Variants in KCNQ3 observed in about 807,000 individuals in gnomAD.
KCNQ3 encodes potassium voltage-gated channel subfamily Q member 3.
In KCNQ3, 30 loss-of-function variants were observed where a neutral mutation model predicts 92.5. The ratio of observed to expected loss-of-function variants is 0.32; its 90% CI spans 0.24 to 0.44. The LOEUF is 0.44. Ranked by LOEUF, KCNQ3 falls within the 20% of genes least tolerant of loss-of-function variation. KCNQ3 has a pLI of 1.00. For missense variants in KCNQ3, 913 were observed against 1,140.3 expected (o/e 0.80, Z 2.87); for synonymous variants, 450 against 468.8 (o/e 0.96, Z 0.52).
chr8:132,183,736 T>G (rs1300905018), intron 3 of KCNQ3, among the ~76,000 whole-genome samples: 1 of 152,258 alleles, frequency 6.6e-6, no homozygotes, highest in Non-Finnish European at 1.5e-5. Context: ...CAGAATCCAC[T>G]GTTTCCTGCA....
At position 132,163,452 on chromosome 8, in the gene KCNQ3, A is replaced by C. The variant is rs376689995; in HGVS notation, c.1262+16T>G. On this transcript the variant is annotated intron_variant, in intron 9 of 14. Transcript: ENST00000388996. ...CACAGAGATGTGAAGAAGGGAATTC[A>C]TAATCAGAAACTTACCTGGATGCTG... 1.1e-5 allele frequency: 18 copies of C among 1,607,756 alleles called. No homozygotes were observed. The highest frequency in any genetic ancestry group is 1.7e-5 in the Admixed American group (1 of 59,998).
At chr8:132,354,356 A>G (rs1034081294) in intron 1 of KCNQ3, among the ~76,000 whole-genome samples, 1 of 152,214 alleles carries the variant, frequency 6.6e-6, no homozygotes, top group Non-Finnish European at 1.5e-5. Flanking sequence ...ACAACGGCCA[A>G]CGATATCAGA....
chr8:132,182,880 T>TCGCG (rs777069422), intron 3 of KCNQ3, among the ~76,000 whole-genome samples: 8 of 129,902 alleles, frequency 6.2e-5, no homozygotes, highest in African/African-American at 1.8e-4. Flanking sequence ...TCCTCCAATA[T>TCGCG]CGCACACACA....
At chr8:132,135,478 C>T (rs77874469) in intron 12 of KCNQ3, among the ~76,000 whole-genome samples, 2,945 of 152,146 alleles carry the variant, frequency 0.019, 114 homozygotes, top group African/African-American at 0.067. Context: ...CCTCCACTGA[C>T]GGCACTTTCT....
chr8:132,183,424 T>A (rs77494385), intron 3 of KCNQ3, among the ~76,000 whole-genome samples: 4,660 of 152,214 alleles, frequency 0.031, 268 homozygotes, highest in African/African-American at 0.11. Context: ...TGCTGGGGAC[T>A]GGAGCATCAG....
At position 132,134,479 on chromosome 8, in the gene KCNQ3, A is replaced by C. The variant is rs137874340; in HGVS notation, c.1701-91T>G. 636 of 867,666 alleles carry C rather than the reference A, an allele frequency of 7.3e-4. 3 individuals carry two copies. The African/African-American group carries it at 9.8e-3, about 13-fold the overall frequency. 53.7% of individuals were successfully genotyped at this position (867,666 alleles called of 1,614,324 possible). A position where few individuals can be genotyped will look rare whatever the true frequency, so the allele number is the denominator to read the frequency against. ...ATTCTATTCTCTCTAGAATGAGATA[A>C]GGGTTTGGAATATATAAGAGGAGAG... On this transcript the variant is annotated intron_variant, in intron 12 of 14. Transcript: ENST00000388996.
At chr8:132,255,856 A>G (rs1471828808) in intron 1 of KCNQ3, among the ~76,000 whole-genome samples, 1 of 152,212 alleles carries the variant, frequency 6.6e-6, no homozygotes, top group Non-Finnish European at 1.5e-5. Context: ...AATTACATAA[A>G]CAACGAACCC....
chr8:132,355,214 A>C (rs555886022), intron 1 of KCNQ3, among the ~76,000 whole-genome samples: 10 of 152,094 alleles, frequency 6.6e-5, no homozygotes, highest in Non-Finnish European at 1.2e-4. Context: ...TGCATAAATT[A>C]CTGGTATAAA....
intron 1 of KCNQ3, among the ~76,000 whole-genome samples, chr8:132,262,456 C>G (rs1242077443): frequency 6.6e-6 from 1 of 152,010 alleles, no homozygotes; most frequent in Non-Finnish European, 1.5e-5. Context: ...TATTTTAATG[C>G]AATAACATCT....
intron 1 of KCNQ3, among the ~76,000 whole-genome samples, chr8:132,451,915 A>G (rs1360460106): frequency 2.6e-5 from 4 of 152,170 alleles, no homozygotes; most frequent in Non-Finnish European, 5.9e-5. Context: ...GGGACAGGTC[A>G]AGAGAAAAAT....
At chr8:132,187,507 C>T (rs184526819) in intron 1 of KCNQ3, among the ~76,000 whole-genome samples, 2 of 152,296 alleles carry the variant, frequency 1.3e-5, no homozygotes, top group Non-Finnish European at 2.9e-5. Context: ...TGCCCAGGAA[C>T]CTAAACAAGA....
At chr8:132,386,897 C>T (rs1819904975) in intron 1 of KCNQ3, among the ~76,000 whole-genome samples, 1 of 152,056 alleles carries the variant, frequency 6.6e-6, no homozygotes, top group African/African-American at 2.4e-5. Flanking sequence ...ATGTTGAAAA[C>T]TAACAACAAT....
chr8:132,263,954 G>C lies in KCNQ3; in HGVS notation c.387-77773C>G, dbSNP rs1443370175. Among the ~76,000 whole-genome samples the C allele has an allele frequency of 3.3e-5, 5 of 152,252 alleles. No homozygotes were observed. In the South Asian group the frequency reaches 1.0e-3, roughly 32 times the overall value. On this transcript the variant is annotated intron_variant, in intron 1 of 14. Coordinates refer to ENST00000388996, the MANE Select transcript of KCNQ3 (RefSeq NM_004519.4). The stretch of plus-strand genomic sequence containing the variant: ...CTTTACTCCACCCAGTTCTCCTTAT[G>C]TAACCTGAGAGCTTACTAGGTGTTA...
chr8:132,426,091 C>A (rs941773177), intron 1 of KCNQ3, among the ~76,000 whole-genome samples: 3 of 152,228 alleles, frequency 2.0e-5, no homozygotes, highest in East Asian at 1.9e-4. Context: ...GCCTGCATGG[C>A]GGGTGGGAAA....
At chr8:132,139,824 G>C (rs1168652678) in intron 11 of KCNQ3, among the ~76,000 whole-genome samples, 3 of 152,124 alleles carry the variant, frequency 2.0e-5, no homozygotes, top group Non-Finnish European at 4.4e-5. Flanking sequence ...AATACTGTCA[G>C]GAGGGCTGTG....
intron 1 of KCNQ3, among the ~76,000 whole-genome samples, chr8:132,366,658 A>C (rs1303205409): frequency 1.3e-5 from 2 of 152,202 alleles, no homozygotes; most frequent in African/African-American, 4.8e-5. Context: ...AATTTAACTA[A>C]GAAAATCTTC....
chr8:132,167,928 C>T (rs1385636775), intron 8 of KCNQ3, among the ~76,000 whole-genome samples: 5 of 152,146 alleles, frequency 3.3e-5, no homozygotes, highest in African/African-American at 7.2e-5. Flanking sequence ...AGTCATCTGC[C>T]CATTCTAAGA....
At chr8:132,297,575 A>C (rs1228998109) in intron 1 of KCNQ3, among the ~76,000 whole-genome samples, 1 of 152,224 alleles carries the variant, frequency 6.6e-6, no homozygotes, top group Non-Finnish European at 1.5e-5. Flanking sequence ...CCTATGTCAT[A>C]AATGTACTCT....
At chr8:132,429,642 C>T (rs1266697138) in intron 1 of KCNQ3, among the ~76,000 whole-genome samples, 1 of 152,084 alleles carries the variant, frequency 6.6e-6, no homozygotes, top group Non-Finnish European at 1.5e-5. Flanking sequence ...GGGTGGATCA[C>T]CTGAGGTCAG....
Sources: gnomAD v4.1 joint callset for allele counts (sites outside exome capture counted in the v4.1 genomes callset) on GRCh38, gnomAD v4.1.1 for gene constraint, MANE v1.5 for transcripts, NCBI Gene and HGNC (gene_info 2026-07-23, HGNC 2026-07-21) for gene names.